Variants in ESRRB observed in about 807,000 individuals in gnomAD.
ESRRB encodes steroid hormone receptor ERR2.
In ESRRB, 16 loss-of-function variants were observed where a neutral mutation model predicts 46.0. That is an observed-to-expected ratio of 0.35 (90% CI 0.24 to 0.53). ESRRB has a LOEUF of 0.53. Ranked by LOEUF, ESRRB falls within the 20% of genes least tolerant of loss-of-function variation. The pLI, the probability that ESRRB is intolerant of heterozygous loss-of-function variation, is 0.93. For synonymous variants in ESRRB, 246 were observed against 259.6 expected (o/e 0.95, Z 0.50); for missense variants, 488 against 607.4 (o/e 0.80, Z 2.07).
Position 76,482,818 on chromosome 14 carries a change from GCCTAC to G in ESRRB, c.850+62_850+66del. ...GGGACTCTCAGCCGGTATCTCCGCA[GCCTAC>G]CCAATGGCTGTGCTTCTGATGCCCG... On this transcript the variant is annotated intron_variant, in intron 5 of 6. Transcript: ENST00000644823. The surrounding 1 kb of genome is among the most constrained non-coding windows in gnomAD (Gnocchi z 4.3). 6.2e-7 allele frequency: 1 copy of G among 1,601,336 alleles called. No homozygotes were observed. The highest frequency in any genetic ancestry group is 8.5e-7 in the Non-Finnish European group (1 of 1,171,976).
At chr14:76,423,163 T>TG (rs1175506297) in intron 1 of ESRRB, among the ~76,000 whole-genome samples, 2 of 132,160 alleles carry the variant, frequency 1.5e-5, no homozygotes, top group Non-Finnish European at 3.3e-5. Flanking sequence ...TTTTTTTTTT[T>TG]GAGAGAGTCT....
intron 1 of ESRRB, among the ~76,000 whole-genome samples, chr14:76,428,590 G>A (rs566480120): frequency 1.3e-5 from 2 of 152,248 alleles, no homozygotes; most frequent in African/African-American, 2.4e-5. Flanking sequence ...ACCCAAGGGA[G>A]GGCTGAAGTT....
chr14:76,358,864 G>T (rs1884430227), intron 1 of ESRRB, among the ~76,000 whole-genome samples: 1 of 152,028 alleles, frequency 6.6e-6, no homozygotes. Context: ...TTCTAAATTA[G>T]TGGCTCCCAT....
intron 2 of ESRRB, among the ~76,000 whole-genome samples, chr14:76,441,100 G>A (rs1887904131): frequency 6.6e-6 from 1 of 152,116 alleles, no homozygotes; most frequent in African/African-American, 2.4e-5. Flanking sequence ...GGAGTGCAGT[G>A]GCTATTCATA....
At chr14:76,447,243 C>CTCAT in intron 2 of ESRRB, among the ~76,000 whole-genome samples, 1 of 133,374 alleles carries the variant, frequency 7.5e-6, no homozygotes, top group South Asian at 2.8e-4. Context: ...TTTCTAAAGT[C>CTCAT]TCCTTCCTTC....
chr14:76,322,360 G>A (rs1426099054), intron 1 of ESRRB, among the ~76,000 whole-genome samples: 1 of 152,200 alleles, frequency 6.6e-6, no homozygotes, highest in East Asian at 1.9e-4. Context: ...GTTGGAGAAT[G>A]CAGACCTAAT....
chr14:76,448,021 T>C (rs768644427), intron 2 of ESRRB, among the ~76,000 whole-genome samples: 3 of 152,232 alleles, frequency 2.0e-5, no homozygotes, highest in Non-Finnish European at 2.9e-5. Flanking sequence ...GTGGTCACCC[T>C]GATTGCTCTG....
intron 1 of ESRRB, among the ~76,000 whole-genome samples, chr14:76,333,875 A>G (rs1180651619): frequency 6.6e-6 from 1 of 151,880 alleles, no homozygotes; most frequent in African/African-American, 2.4e-5. Flanking sequence ...CTCGGCTACC[A>G]TGTTTGACTG....
intron 2 of ESRRB, among the ~76,000 whole-genome samples, chr14:76,453,430 TAG>T (rs1358321916): frequency 6.6e-6 from 1 of 152,184 alleles, no homozygotes; most frequent in East Asian, 1.9e-4. Flanking sequence ...CCCTTGATAG[TAG>T]AGAGGATGAC....
chr14:76,486,249 G>A (rs1418710416), intron 5 of ESRRB, among the ~76,000 whole-genome samples: 5 of 152,034 alleles, frequency 3.3e-5, no homozygotes, highest in South Asian at 2.1e-4. Context: ...TGCCTCCCTC[G>A]GCAGCCTCAT....
chr14:76,500,635 TGG>T lies in ESRRB; in HGVS notation c.*2178_*2179del. The stretch of plus-strand genomic sequence containing the variant: ...CTGCTCTGTCACTTCCTGCTCAAGC[TGG>T]AGGACCCAGGCGGCAGGGCATCATG... On this transcript the variant is annotated 3_prime_UTR_variant, in exon 7 of 7. Transcript: ENST00000644823. 6.3e-7 allele frequency: 1 copy of T among 1,590,670 alleles called. No homozygotes were observed. Among genetic ancestry groups the T allele is most frequent in the East Asian group, 2.2e-5 (1 of 44,774 alleles).
chr14:76,399,265 T>C (rs114983930), intron 1 of ESRRB, among the ~76,000 whole-genome samples: 1 of 152,316 alleles, frequency 6.6e-6, no homozygotes, highest in East Asian at 1.9e-4. Context: ...GGAAGCTCCC[T>C]GTGACGGAGT....
chr14:76,326,277 C>A (rs1321865775), intron 1 of ESRRB, among the ~76,000 whole-genome samples: 1 of 152,088 alleles, frequency 6.6e-6, no homozygotes, highest in Non-Finnish European at 1.5e-5. Flanking sequence ...CAATGATGTC[C>A]CAGTGCTGAA....
At chr14:76,486,607 G>A (rs990713107) in intron 5 of ESRRB, among the ~76,000 whole-genome samples, 2 of 151,968 alleles carry the variant, frequency 1.3e-5, no homozygotes, top group Admixed American at 1.3e-4. Context: ...GCCAAATCAC[G>A]GATGGGGGGA....
At chr14:76,469,966 G>A (rs1264244860) in intron 3 of ESRRB, among the ~76,000 whole-genome samples, 1 of 11,202 alleles carries the variant, frequency 8.9e-5, no homozygotes, top group Admixed American at 9.6e-4. Context: ...TTTTTTTTTT[G>A]AGACAGAGTC....
At chr14:76,387,573 C>T (rs1885291347) in intron 1 of ESRRB, among the ~76,000 whole-genome samples, 1 of 152,176 alleles carries the variant, frequency 6.6e-6, no homozygotes, top group Admixed American at 6.5e-5. Flanking sequence ...CTCCCAAGCC[C>T]CACCATGCAT....
chr14:76,428,306 G>C (rs1287646357), intron 1 of ESRRB, among the ~76,000 whole-genome samples: 4 of 152,000 alleles, frequency 2.6e-5, no homozygotes, highest in African/African-American at 4.8e-5. Context: ...CCATGAGGTA[G>C]GATATTTATG....
At chr14:76,352,864 A>G (rs1884330776) in intron 1 of ESRRB, among the ~76,000 whole-genome samples, 1 of 152,092 alleles carries the variant, frequency 6.6e-6, no homozygotes, top group African/African-American at 2.4e-5. Flanking sequence ...CCCCACGCGC[A>G]CACAGGCGAG....
intron 1 of ESRRB, among the ~76,000 whole-genome samples, chr14:76,410,553 C>T (rs1175874925): frequency 6.6e-6 from 1 of 152,126 alleles, no homozygotes; most frequent in Non-Finnish European, 1.5e-5. Flanking sequence ...ACTTGGTGTT[C>T]CCATTTTACA....
Sources: allele counts gnomAD v4.1 joint callset (sites outside exome capture counted in the v4.1 genomes callset), GRCh38; gene constraint gnomAD v4.1.1; non-coding constraint Gnocchi (gnomAD v3.1); transcripts MANE v1.5; gene names NCBI Gene and HGNC (gene_info 2026-07-23, HGNC 2026-07-21).